Variants in GYPC observed in about 807,000 individuals in gnomAD.
GYPC encodes the protein glycophorin C (Gerbich blood group).
A neutral mutation model predicts 12.6 loss-of-function variants in GYPC; 14 were observed. The ratio of observed to expected loss-of-function variants is 1.11; its 90% CI spans 0.74 to 1.74. The LOEUF (loss-of-function observed/expected upper bound fraction) is 1.74. Ranked by LOEUF, GYPC falls within the 40% of genes most tolerant of loss-of-function variation. The pLI, the probability that GYPC is intolerant of heterozygous loss-of-function variation, is 0.00. For missense variants in GYPC, 225 were observed against 172.1 expected (o/e 1.31, Z -1.72); for synonymous variants, 78 against 62.1 (o/e 1.26, Z -1.20).
intron 1 of GYPC, among the ~76,000 whole-genome samples, chr2:126,681,844 A>C (rs2104794678): frequency 6.6e-6 from 1 of 152,226 alleles, no homozygotes; most frequent in African/African-American, 2.4e-5. Context: ...GCATTCCTCA[A>C]AATGGTCTGG....
chr2:126,669,490 C>T (rs563382352), intron 1 of GYPC, among the ~76,000 whole-genome samples: 34 of 152,232 alleles, frequency 2.2e-4, no homozygotes, highest in Admixed American at 2.2e-3. Flanking sequence ...TATCCTCTCC[C>T]AAAAGGAGGG....
chr2:126,656,301 C>G lies in GYPC; in HGVS notation c.38C>G (p.Pro13Arg). 6.3e-7 allele frequency: 1 copy of G among 1,594,012 alleles called. No homozygotes were observed. The highest frequency in any genetic ancestry group is 8.5e-7 in the Non-Finnish European group (1 of 1,171,882). ...STRSPNSTAW[P>R]LSLEPDPGMA... ...AGAAGCCCCAACAGCACGGCGTGGC[C>G]TCTCAGCCTCGGTGAGTACCCGCCG... Residue 13 changes from proline (P) to arginine (R), a missense_variant, in exon 1 of 4, where the codon CCT (proline) becomes CGT (arginine). Coordinates refer to ENST00000259254, the MANE Select transcript of GYPC (RefSeq NM_002101.5).
At chr2:126,686,781 T>C (rs1472430904) in intron 1 of GYPC, 1 of 814,568 alleles carries the variant, frequency 1.2e-6, no homozygotes, top group Admixed American at 6.2e-5. Context: ...TAATTGTCTA[T>C]TTCTGATACC....
chr2:126,678,744 C>G (rs1683080242), intron 1 of GYPC: 1 of 152,354 alleles, frequency 6.6e-6, no homozygotes, highest in Admixed American at 6.5e-5. Flanking sequence ...CAGCACATCT[C>G]CTGGGGAAGC....
chr2:126,693,766 C>T, intron 2 of GYPC, 98 bp from the exon 3 acceptor site: 1 of 829,482 alleles, frequency 1.2e-6, no homozygotes, highest in Non-Finnish European at 2.2e-6. Flanking sequence ...ATTCTCAGAG[C>T]TGCTCACACC....
At chr2:126,683,656 C>T (rs1235760359) in intron 1 of GYPC, among the ~76,000 whole-genome samples, 3 of 152,108 alleles carry the variant, frequency 2.0e-5, no homozygotes, top group Non-Finnish European at 2.9e-5. Context: ...AGGCTCAGGG[C>T]GAGTAACAGG....
chr2:126,683,732 T>C (rs1482886423), intron 1 of GYPC, among the ~76,000 whole-genome samples: 1 of 152,226 alleles, frequency 6.6e-6, no homozygotes, highest in Non-Finnish European at 1.5e-5. Context: ...AGCCTCACTT[T>C]CTTTCCAGTT....
chr2:126,656,402 C>A (rs1682356896), intron 1 of GYPC, 90 bp downstream of exon 1: 6 of 1,165,958 alleles, frequency 5.1e-6, no homozygotes, highest in Non-Finnish European at 7.4e-6. Flanking sequence ...CACGGACGCC[C>A]TGGTGTCCCG....
chr2:126,659,387 C>T (rs1682466658), intron 1 of GYPC, among the ~76,000 whole-genome samples: 6 of 152,210 alleles, frequency 3.9e-5, no homozygotes, highest in Admixed American at 3.9e-4. Flanking sequence ...AGAGCAACAT[C>T]CGTGCTGTGG....
chr2:126,684,700 G>A (rs144702780), intron 1 of GYPC, among the ~76,000 whole-genome samples: 3 of 152,266 alleles, frequency 2.0e-5, no homozygotes, highest in East Asian at 1.9e-4. Context: ...TGGCTGGAGC[G>A]TAGAAGGTGC....
In GYPC at chr2:126,696,510, G is replaced by A; in HGVS notation, c.*368G>A. On this transcript the variant is annotated 3_prime_UTR_variant, in exon 4 of 4. Coordinates refer to ENST00000259254, the MANE Select transcript of GYPC (RefSeq NM_002101.5). ...GCTGGGGTACCCGGGGGCTGGGGAA[G>A]CAAGGAAATAAGTCATCTGTATGCT... 1 of 350,074 alleles carries A rather than the reference G, an allele frequency of 2.9e-6. No homozygotes were observed. The highest frequency in any genetic ancestry group is 5.6e-6 in the Non-Finnish European group (1 of 179,898). The allele number at this position is 350,074 out of a possible 1,614,324, so 21.7% of individuals were successfully genotyped here. A position where few individuals can be genotyped will look rare whatever the true frequency, so the allele number is the denominator to read the frequency against.
At chr2:126,682,657 A>C (rs933794989) in intron 1 of GYPC, among the ~76,000 whole-genome samples, 1 of 152,220 alleles carries the variant, frequency 6.6e-6, no homozygotes, top group Non-Finnish European at 1.5e-5. Context: ...CAGAGGTTAC[A>C]CAGTGGGGGC....
At chr2:126,686,843 C>T (rs530429757) in intron 1 of GYPC, among the ~76,000 whole-genome samples, 1 of 152,208 alleles carries the variant, frequency 6.6e-6, no homozygotes, top group South Asian at 2.1e-4. Flanking sequence ...AACCCACCCC[C>T]AAGGCTGCCC....
chr2:126,687,202 C>T (rs902606514), intron 1 of GYPC, among the ~76,000 whole-genome samples: 1 of 152,186 alleles, frequency 6.6e-6, no homozygotes, highest in South Asian at 2.1e-4. Flanking sequence ...GAGCTCTCTG[C>T]CTGGAATGCT....
chr2:126,682,499 G>C (rs1683177016), intron 1 of GYPC, among the ~76,000 whole-genome samples: 1 of 152,106 alleles, frequency 6.6e-6, no homozygotes, highest in Non-Finnish European at 1.5e-5. Flanking sequence ...TCTCTGTCAG[G>C]GTGGGGTTCT....
chr2:126,672,873 A>G (rs1349779806), intron 1 of GYPC, among the ~76,000 whole-genome samples: 1 of 152,112 alleles, frequency 6.6e-6, no homozygotes, highest in African/African-American at 2.4e-5. Flanking sequence ...CCATATACAT[A>G]GCCTCCTTCT....
chr2:126,680,965 C>A (rs1178879679), intron 1 of GYPC, among the ~76,000 whole-genome samples: 1 of 152,134 alleles, frequency 6.6e-6, no homozygotes, highest in Non-Finnish European at 1.5e-5. Context: ...CAGGTCAGGG[C>A]GGCGGGAAGG....
At chr2:126,665,408 T>TGTAAG (rs1244094534) in intron 1 of GYPC, among the ~76,000 whole-genome samples, 2 of 152,240 alleles carry the variant, frequency 1.3e-5, no homozygotes, top group Non-Finnish European at 2.9e-5. Flanking sequence ...CTATCATGTA[T>TGTAAG]GTAAGGTTCA....
At chr2:126,682,624 G>T (rs191171556) in intron 1 of GYPC, among the ~76,000 whole-genome samples, 1 of 152,146 alleles carries the variant, frequency 6.6e-6, no homozygotes, top group African/African-American at 2.4e-5. Flanking sequence ...ATCCCTCAGC[G>T]TGATGAAGAT....
Sources: allele counts gnomAD v4.1 joint callset (sites outside exome capture counted in the v4.1 genomes callset), GRCh38; gene constraint gnomAD v4.1.1; transcripts MANE v1.5; gene names NCBI Gene and HGNC (gene_info 2026-07-23, HGNC 2026-07-21).